YWHAE: variants seen among roughly 807,000 people sequenced by gnomAD.
YWHAE encodes 14-3-3 protein epsilon.
A neutral mutation model predicts 30.1 loss-of-function variants in YWHAE; 4 were observed. That is an observed-to-expected ratio of 0.13 (90% CI 0.07 to 0.30). The LOEUF (loss-of-function observed/expected upper bound fraction) is 0.30. Ranked by LOEUF, YWHAE falls within the 10% of genes least tolerant of loss-of-function variation. YWHAE has a pLI of 1.00. For missense variants in YWHAE, 121 were observed against 315.9 expected, an observed-to-expected ratio of 0.38 and a Z score of 4.68; for synonymous variants, 118 against 111.8, an observed-to-expected ratio of 1.06 and a Z score of -0.35.
At chr17:1,351,576 T>A (rs1283772479) in intron 5 of YWHAE, among the ~76,000 whole-genome samples, 1 of 152,122 alleles carries the variant, frequency 6.6e-6, no homozygotes, top group African/African-American at 2.4e-5. Context: ...GAGCTGGGGA[T>A]GACCATTACG....
chr17:1,374,914 T>C (rs117524931), intron 1 of YWHAE, among the ~76,000 whole-genome samples: 9 of 152,242 alleles, frequency 5.9e-5, no homozygotes, highest in Non-Finnish European at 1.2e-4. Context: ...GACACTTCTA[T>C]TGCTTCAAGA....
intron 1 of YWHAE, among the ~76,000 whole-genome samples, chr17:1,380,637 C>T (rs2073192671): frequency 6.6e-6 from 1 of 152,166 alleles, no homozygotes; most frequent in South Asian, 2.1e-4. Flanking sequence ...AACCGGAATC[C>T]AGACGGGTGG....
At position 1,400,177 on chromosome 17, in the gene YWHAE, C is replaced by T. The variant is rs921988563; in HGVS notation, c.-67G>A. On this transcript the variant is annotated 5_prime_UTR_variant, in exon 1 of 6. Transcript: ENST00000264335. Reference sequence around the variant, plus strand: ...CGGATAGTGTCTCCGACTCTCTCAGCCTCTCGCTCCGCGTCCGGGCAGCAA... The same window carrying T: ...CGGATAGTGTCTCCGACTCTCTCAGTCTCTCGCTCCGCGTCCGGGCAGCAA... The T allele has an allele frequency of 3.1e-6, 5 of 1,588,228 alleles. No homozygotes were observed. The highest frequency in any genetic ancestry group is 2.2e-5 in the East Asian group (1 of 44,698).
intron 4 of YWHAE, among the ~76,000 whole-genome samples, chr17:1,359,926 AG>A (rs1567962546): frequency 3.8e-3 from 17 of 4,452 alleles, no homozygotes; most frequent in African/African-American, 6.4e-3. Context: ...GGGGAGGGGG[AG>A]GGGGGGAGGA....
rs3752826 is a variant in YWHAE, at chr17:1,361,770, A to C, written c.371+132T>G. On this transcript the variant is annotated intron_variant, in intron 3 of 5. Coordinates refer to ENST00000264335, the MANE Select transcript of YWHAE (RefSeq NM_006761.5). ...ATAATAGCCCAACCACCTTTTCATT[A>C]CAATATTAACTATCCTTCTAACATT... is the stretch of plus-strand genomic sequence containing the variant. The C allele has an allele frequency of 0.68, 399,990 of 590,130 alleles. 138,332 individuals are homozygous for C. The highest frequency in any genetic ancestry group is 0.93 in the African/African-American group (48,605 of 52,308). 36.6% of individuals were successfully genotyped at this position (590,130 alleles called of 1,614,324 possible). A position where few individuals can be genotyped will look rare whatever the true frequency, so the allele number is the denominator to read the frequency against.
chr17:1,381,790 G>A (rs1039888195), intron 1 of YWHAE, among the ~76,000 whole-genome samples: 7 of 151,718 alleles, frequency 4.6e-5, no homozygotes, highest in Admixed American at 2.0e-4. Context: ...GGTGGTGCAT[G>A]CCTGCAGTCC....
intron 1 of YWHAE, among the ~76,000 whole-genome samples, chr17:1,370,823 T>C (rs920809593): frequency 6.6e-5 from 10 of 151,718 alleles, no homozygotes; most frequent in African/African-American, 1.7e-4. Flanking sequence ...GGTGAAAACC[T>C]CGTCTCTACT....
intron 3 of YWHAE, among the ~76,000 whole-genome samples, chr17:1,361,518 A>G (rs941493596): frequency 6.6e-6 from 1 of 152,134 alleles, no homozygotes; most frequent in Non-Finnish European, 1.5e-5. Flanking sequence ...CAAAAATCCC[A>G]GGAAATTAAC....
Position 1,361,092 on chromosome 17 carries a change from C to T in YWHAE, c.578G>A (p.Arg193Lys), listed in dbSNP as rs1476074462. The change falls in exon 4 of 6, where the codon AGG (arginine) becomes AAG (lysine). Residue 193 changes from arginine (R) to lysine (K), a missense_variant and splice_region_variant. This residue lies in a region of YWHAE where 99 missense variants were observed against 289.3 expected (regional missense o/e 0.34). Coordinates refer to ENST00000264335, the MANE Select transcript of YWHAE (RefSeq NM_006761.5). The stretch of plus-strand genomic sequence containing the variant: ...GCTGCTGTTCTTCCCCACAACTTAC[C>T]TGCAGGCACGGTCAGGGGAATTAAG... ...EILNSPDRAC[R>K]LAKAAFDDAI... The T allele has an allele frequency of 6.2e-7, 1 of 1,613,948 alleles. No homozygotes were observed.
At chr17:1,397,812 C>T (rs966616056) in intron 1 of YWHAE, among the ~76,000 whole-genome samples, 17 of 152,180 alleles carry the variant, frequency 1.1e-4, no homozygotes, top group Non-Finnish European at 2.1e-4. Flanking sequence ...CTCCTTTCCA[C>T]TGAGTCCCTA....
At chr17:1,367,617 A>T (rs924333964) in intron 1 of YWHAE, among the ~76,000 whole-genome samples, 69 of 152,142 alleles carry the variant, frequency 4.5e-4, no homozygotes, top group African/African-American at 1.6e-3. Flanking sequence ...CTAACGCTGT[A>T]CTCCAGCTTG....
intron 4 of YWHAE, among the ~76,000 whole-genome samples, chr17:1,359,175 C>T (rs2072812707): frequency 6.6e-6 from 1 of 151,840 alleles, no homozygotes. Flanking sequence ...AAAGAAAAGG[C>T]CAGGTATGGT....
At chr17:1,380,608 T>C (rs2073192181) in intron 1 of YWHAE, among the ~76,000 whole-genome samples, 4 of 152,134 alleles carry the variant, frequency 2.6e-5, no homozygotes, top group South Asian at 2.1e-4. Flanking sequence ...ACTTCCAAGA[T>C]TAAATAACAA....
At chr17:1,398,571 G>A (rs530337347) in intron 1 of YWHAE, among the ~76,000 whole-genome samples, 41 of 152,054 alleles carry the variant, frequency 2.7e-4, no homozygotes, top group African/African-American at 9.2e-4. Flanking sequence ...ATTTTAATTA[G>A]GAAAAAAATC....
At chr17:1,375,764 C>T (rs1366490828) in intron 1 of YWHAE, among the ~76,000 whole-genome samples, 1 of 152,208 alleles carries the variant, frequency 6.6e-6, no homozygotes, top group Non-Finnish European at 1.5e-5. Context: ...CTGGGACACC[C>T]ATCATCTGCT....
chr17:1,397,154 C>T (rs932584514), intron 1 of YWHAE, among the ~76,000 whole-genome samples: 1 of 152,234 alleles, frequency 6.6e-6, no homozygotes, highest in African/African-American at 2.4e-5. Context: ...CCGCCTCGAC[C>T]TCCCAAGGTG....
intron 5 of YWHAE, among the ~76,000 whole-genome samples, chr17:1,353,167 G>A (rs953869507): frequency 4.6e-5 from 7 of 152,090 alleles, no homozygotes; most frequent in African/African-American, 9.7e-5. Context: ...GGCCGGGCAC[G>A]GTGGCTTGCG....
chr17:1,349,037 A>G lies in YWHAE; in HGVS notation c.716-3538T>C, dbSNP rs573880833. Among the ~76,000 whole-genome samples, 75 of 140,538 alleles carry G rather than the reference A, an allele frequency of 5.3e-4. 1 individual carries two copies. Among genetic ancestry groups the G allele is most frequent in the African/African-American group, 1.9e-3 (73 of 38,156 alleles). 92.2% of individuals were successfully genotyped at this position (140,538 alleles called of 152,430 possible). On this transcript the variant is annotated intron_variant, in intron 5 of 5. Transcript: ENST00000264335. ...CAAGACTCTGTCTCACGAAAAAAGGAAAAAAAAAAAAGATGTAATACTAGG... is the reference window on the plus strand; with the variant it reads ...CAAGACTCTGTCTCACGAAAAAAGGGAAAAAAAAAAAGATGTAATACTAGG...
chr17:1,380,137 G>C (rs957190626), intron 1 of YWHAE, among the ~76,000 whole-genome samples: 1 of 140,574 alleles, frequency 7.1e-6, no homozygotes, highest in Admixed American at 7.4e-5. Context: ...TTTTTGAGAC[G>C]GAGCCTCACT....
Sources: allele counts gnomAD v4.1 joint callset (sites outside exome capture counted in the v4.1 genomes callset), GRCh38; gene constraint gnomAD v4.1.1; regional missense constraint gnomAD v4.1.1; transcripts MANE v1.5; gene names NCBI Gene and HGNC (gene_info 2026-07-23, HGNC 2026-07-21).